Variants in IGF2BP2 observed in about 807,000 individuals in gnomAD.
IGF2BP2 encodes insulin-like growth factor 2 mRNA-binding protein 2.
Under a neutral mutation model 75.8 loss-of-function variants are expected in IGF2BP2, and 17 were observed. The ratio of observed to expected loss-of-function variants is 0.22; its 90% CI spans 0.15 to 0.34. The LOEUF is 0.34. Among genes scored for constraint, IGF2BP2 ranks in the 10% least tolerant of loss-of-function variants. The pLI, the probability that IGF2BP2 is intolerant of heterozygous loss-of-function variation, is 1.00. For missense variants in IGF2BP2, 516 were observed against 772.4 expected, an observed-to-expected ratio of 0.67 and a Z score of 3.93; for synonymous variants, 288 against 295.6, an observed-to-expected ratio of 0.97 and a Z score of 0.26.
intron 2 of IGF2BP2, among the ~76,000 whole-genome samples, chr3:185,796,922 C>A (rs773048581): frequency 1.3e-5 from 2 of 152,172 alleles, no homozygotes; most frequent in Non-Finnish European, 2.9e-5. Flanking sequence ...AGATTCCTGA[C>A]AATGCATTCT....
intron 2 of IGF2BP2, among the ~76,000 whole-genome samples, chr3:185,821,570 T>C (rs1741380423): frequency 6.6e-6 from 1 of 152,124 alleles, no homozygotes; most frequent in Non-Finnish European, 1.5e-5. Flanking sequence ...ATTTCACATA[T>C]ACCACAAAAT....
intron 2 of IGF2BP2, among the ~76,000 whole-genome samples, chr3:185,740,040 G>GT (rs891326831): frequency 6.6e-6 from 1 of 151,800 alleles, no homozygotes; most frequent in Non-Finnish European, 1.5e-5. Flanking sequence ...TACAGACGGG[G>GT]TTGTGCCATG....
intron 2 of IGF2BP2, among the ~76,000 whole-genome samples, chr3:185,731,427 A>G (rs9809821): frequency 1 from 151,971 of 151,972 alleles, 75,985 homozygotes; most frequent in Middle Eastern, 1. Flanking sequence ...TGTATTTTTA[A>G]TAGAGACTAG....
intron 5 of IGF2BP2, among the ~76,000 whole-genome samples, chr3:185,691,126 T>G (rs1009988384): frequency 3.3e-5 from 5 of 152,164 alleles, no homozygotes; most frequent in African/African-American, 4.8e-5. Context: ...GAGACAGAGT[T>G]TCGCCCTTAT....
intron 2 of IGF2BP2, among the ~76,000 whole-genome samples, chr3:185,701,590 T>C (rs1451106052): frequency 6.6e-6 from 1 of 152,188 alleles, no homozygotes; most frequent in Admixed American, 6.5e-5. Context: ...TTACCCCAAA[T>C]ACTAACTGAA....
At chr3:185,746,162 T>C (rs1332384308) in intron 2 of IGF2BP2, among the ~76,000 whole-genome samples, 2 of 152,162 alleles carry the variant, frequency 1.3e-5, no homozygotes, top group African/African-American at 2.4e-5. Context: ...CCAACACATA[T>C]ATACAAATTC....
At chr3:185,792,033 G>C (rs1198126524) in intron 2 of IGF2BP2, among the ~76,000 whole-genome samples, 1 of 152,204 alleles carries the variant, frequency 6.6e-6, no homozygotes, top group Admixed American at 6.5e-5. Context: ...TTGAAGACAA[G>C]AGGGGCTGTT....
chr3:185,698,066 T>C (rs1025776464), intron 3 of IGF2BP2, among the ~76,000 whole-genome samples: 2 of 152,212 alleles, frequency 1.3e-5, no homozygotes, highest in Non-Finnish European at 2.9e-5. Context: ...TGGTGCTTGG[T>C]AGCATGGTAC....
intron 2 of IGF2BP2, among the ~76,000 whole-genome samples, chr3:185,791,762 A>G (rs1049191556): frequency 1.3e-5 from 2 of 152,278 alleles, no homozygotes; most frequent in Admixed American, 6.5e-5. Context: ...GACTGCTTAT[A>G]GCATCATGTA....
At chr3:185,739,367 A>C (rs1729239369) in intron 2 of IGF2BP2, among the ~76,000 whole-genome samples, 1 of 152,188 alleles carries the variant, frequency 6.6e-6, no homozygotes, top group Admixed American at 6.5e-5. Flanking sequence ...AAACTGTAAA[A>C]AGATAGCATT....
At chr3:185,730,376 C>A (rs1727983234) in intron 2 of IGF2BP2, among the ~76,000 whole-genome samples, 1 of 151,576 alleles carries the variant, frequency 6.6e-6, no homozygotes, top group African/African-American at 2.4e-5. Flanking sequence ...AGGTTGATTC[C>A]ACGACTTTGC....
chr3:185,715,995 C>T (rs1348571873), intron 2 of IGF2BP2, among the ~76,000 whole-genome samples: 1 of 152,136 alleles, frequency 6.6e-6, no homozygotes, highest in East Asian at 1.9e-4. Flanking sequence ...ACTTAACCAA[C>T]AAATTAAATG....
At chr3:185,680,073 G>GA (rs202182278) in intron 7 of IGF2BP2, among the ~76,000 whole-genome samples, 237 of 149,224 alleles carry the variant, frequency 1.6e-3, no homozygotes, top group Non-Finnish European at 2.9e-3. Flanking sequence ...GCTAGATTAA[G>GA]AAAAAAAAAG....
At position 185,811,830 on chromosome 3, in the gene IGF2BP2, GTCTCTCTCTC is replaced by G. The variant is rs58208457; in HGVS notation, c.239+11313_239+11322del. 1.7e-3 allele frequency among the ~76,000 whole-genome samples: 210 copies of G among 120,800 alleles called. 1 individual carries two copies. In the South Asian group the frequency reaches 0.023, roughly 13 times the overall value. The allele number at this position is 120,800 out of a possible 152,430, so 79.2% of individuals were successfully genotyped here. ...CAGGGGACGGTGCTCAGAGTAGGGT[GTCTCTCTCTC>G]TCTCTCTCTCTCTCTCTCTCTCTCT... On this transcript the variant is annotated intron_variant, in intron 2 of 15. Transcript: ENST00000382199.
intron 5 of IGF2BP2, 45 bp from the exon 6 acceptor site, chr3:185,689,672 A>G (rs1233032637): frequency 1.2e-6 from 2 of 1,613,298 alleles, no homozygotes; most frequent in South Asian, 2.2e-5. Context: ...AACCAACATC[A>G]AGAAAGACCC....
chr3:185,740,917 G>A (rs1202134242), intron 2 of IGF2BP2, among the ~76,000 whole-genome samples: 6 of 152,068 alleles, frequency 3.9e-5, no homozygotes. Context: ...TCGCTCTGTC[G>A]CCCAGGCTGG....
At chr3:185,710,422 G>A (rs966480325) in intron 2 of IGF2BP2, among the ~76,000 whole-genome samples, 1 of 152,002 alleles carries the variant, frequency 6.6e-6, no homozygotes, top group African/African-American at 2.4e-5. Context: ...TTACAGGAAG[G>A]GATATGCTGA....
intron 7 of IGF2BP2, among the ~76,000 whole-genome samples, chr3:185,685,321 A>G (rs1236484239): frequency 1.3e-5 from 2 of 151,968 alleles, no homozygotes; most frequent in African/African-American, 4.8e-5. Flanking sequence ...TGTACTCGAC[A>G]AGAGTGAAAC....
At chr3:185,774,594 C>CAAAAAA (rs10688098) in intron 2 of IGF2BP2, among the ~76,000 whole-genome samples, 6 of 129,038 alleles carry the variant, frequency 4.6e-5, no homozygotes, top group African/African-American at 1.6e-4. Flanking sequence ...GACTCTGTCT[C>CAAAAAA]AAAAAAAAAA....
Sources: gnomAD v4.1 joint callset for allele counts (sites outside exome capture counted in the v4.1 genomes callset) on GRCh38, gnomAD v4.1.1 for gene constraint, MANE v1.5 for transcripts, NCBI Gene and HGNC (gene_info 2026-07-23, HGNC 2026-07-21) for gene names.